The following LRP1B variants were observed in gnomAD, a reference collection of about 807,000 sequenced individuals.
LRP1B encodes low-density lipoprotein receptor-related protein 1B.
Under a neutral mutation model 556.6 loss-of-function variants are expected in LRP1B, and 217 were observed. That is an observed-to-expected ratio of 0.39 (90% CI 0.35 to 0.44). The LOEUF is 0.44. Ranked by LOEUF, LRP1B falls within the 20% of genes least tolerant of loss-of-function variation. The pLI is 1.00. For missense variants in LRP1B, 5,053 were observed against 5,620.8 expected, an observed-to-expected ratio of 0.90 and a Z score of 3.23; for synonymous variants, 2,047 against 1,865.8, an observed-to-expected ratio of 1.10 and a Z score of -2.50.
chr2:141,887,889 T>G (rs576369818), intron 1 of LRP1B, among the ~76,000 whole-genome samples: 1 of 152,328 alleles, frequency 6.6e-6, no homozygotes, highest in African/African-American at 2.4e-5. Flanking sequence ...AACCAAAAAC[T>G]ATGAAAGAAT....
At chr2:140,309,141 A>G (rs1313464361) in intron 83 of LRP1B, among the ~76,000 whole-genome samples, 1 of 151,844 alleles carries the variant, frequency 6.6e-6, no homozygotes, top group South Asian at 2.1e-4. Context: ...GTGAGTGTCC[A>G]CTTATAAATA....
At chr2:141,609,525 T>A (rs1174810874) in intron 2 of LRP1B, among the ~76,000 whole-genome samples, 2 of 152,226 alleles carry the variant, frequency 1.3e-5, no homozygotes, top group African/African-American at 4.8e-5. Flanking sequence ...AAAGTAATGA[T>A]CTTTGAGTGT....
In LRP1B at chr2:140,964,053, G is replaced by C. The variant is rs557757661; in HGVS notation, c.2888-12113C>G. ...ATTGGATACAAGGCAGAAGGGGCAG[G>C]GTAAAGAATGTGAGTCACCTCCAAT... On this transcript the variant is annotated intron_variant, in intron 18 of 90. Coordinates refer to ENST00000389484, the MANE Select transcript of LRP1B (RefSeq NM_018557.3). 9.2e-5 allele frequency among the ~76,000 whole-genome samples: 14 copies of C among 152,266 alleles called. No individual in the cohort carries two copies. In the South Asian group the frequency reaches 1.0e-3, roughly 11 times the overall value.
chr2:141,776,502 T>G (rs1480210517), intron 2 of LRP1B, among the ~76,000 whole-genome samples: 1 of 152,196 alleles, frequency 6.6e-6, no homozygotes, highest in Non-Finnish European at 1.5e-5. Context: ...TCTATGTTCC[T>G]GAACAGTAGA....
chr2:141,758,297 C>T (rs376590973), intron 2 of LRP1B, among the ~76,000 whole-genome samples: 3 of 152,102 alleles, frequency 2.0e-5, no homozygotes, highest in South Asian at 2.1e-4. Context: ...TTAATTCATG[C>T]TATTTTGGCC....
chr2:142,003,358 A>C (rs1049334867), intron 1 of LRP1B, among the ~76,000 whole-genome samples: 6 of 152,236 alleles, frequency 3.9e-5, no homozygotes, highest in Non-Finnish European at 8.8e-5. Context: ...AGAAAAATGC[A>C]CTTCCTACAA....
chr2:140,343,443 G>A (rs915326442), intron 77 of LRP1B, among the ~76,000 whole-genome samples: 1 of 151,550 alleles, frequency 6.6e-6, no homozygotes, highest in African/African-American at 2.4e-5. Context: ...ACTTGAAGAT[G>A]ACCGCTAAGA....
At chr2:141,162,476 C>T (rs937017420) in intron 7 of LRP1B, among the ~76,000 whole-genome samples, 1 of 151,996 alleles carries the variant, frequency 6.6e-6, no homozygotes, top group Non-Finnish European at 1.5e-5. Flanking sequence ...ACAAGGGAAC[C>T]AATGTGAGCC....
intron 2 of LRP1B, among the ~76,000 whole-genome samples, chr2:141,538,595 T>C (rs1413810902): frequency 6.6e-6 from 1 of 151,974 alleles, no homozygotes; most frequent in Non-Finnish European, 1.5e-5. Flanking sequence ...ATTTCATCCC[T>C]TAGTCTCATA....
intron 2 of LRP1B, among the ~76,000 whole-genome samples, chr2:141,601,063 C>CTT (rs1221633757): frequency 6.6e-6 from 1 of 152,178 alleles, no homozygotes; most frequent in Non-Finnish European, 1.5e-5. Context: ...GTAATTTAGT[C>CTT]TTAGTTTTAT....
At chr2:140,307,165 T>C (rs1325589143) in intron 83 of LRP1B, among the ~76,000 whole-genome samples, 2 of 151,918 alleles carry the variant, frequency 1.3e-5, no homozygotes, top group African/African-American at 4.8e-5. Flanking sequence ...TTTTTGGTAT[T>C]AGAGAGAACT....
intron 2 of LRP1B, among the ~76,000 whole-genome samples, chr2:141,516,823 A>C (rs1210418874): frequency 6.6e-6 from 1 of 150,686 alleles, no homozygotes; most frequent in Non-Finnish European, 1.5e-5. Context: ...TCAGCCTCCC[A>C]AGTAGCTAGG....
At chr2:142,117,202 G>T (rs556581545) in intron 1 of LRP1B, among the ~76,000 whole-genome samples, 1 of 152,244 alleles carries the variant, frequency 6.6e-6, no homozygotes, top group East Asian at 1.9e-4. Flanking sequence ...TCAGAAACAT[G>T]ATCCCATGTT....
intron 32 of LRP1B, among the ~76,000 whole-genome samples, chr2:140,803,861 TCCCCCACCCCCCCAAC>T (rs1559128837): frequency 1.7e-5 from 1 of 60,592 alleles, no homozygotes; most frequent in Non-Finnish European, 3.3e-5. Flanking sequence ...AATAAACCCC[TCCCCCACCCCCCCAAC>T]CCCCCCAAAA....
chr2:140,673,703 A>AC (rs1350872783), intron 41 of LRP1B, among the ~76,000 whole-genome samples: 3 of 151,164 alleles, frequency 2.0e-5, no homozygotes, highest in Non-Finnish European at 4.4e-5. Flanking sequence ...AAATGAATGG[A>AC]CCCCCTTCTC....
intron 2 of LRP1B, among the ~76,000 whole-genome samples, chr2:141,531,462 G>A (rs1206529296): frequency 1.3e-5 from 2 of 151,848 alleles, no homozygotes; most frequent in Non-Finnish European, 1.5e-5. Context: ...GAATGTTTAC[G>A]GCTTCATAAA....
chr2:141,135,021 T>A (rs964734427), intron 7 of LRP1B, among the ~76,000 whole-genome samples: 1 of 151,952 alleles, frequency 6.6e-6, no homozygotes, highest in Non-Finnish European at 1.5e-5. Context: ...TCAATATGCA[T>A]GTGATGCTTC....
intron 1 of LRP1B, among the ~76,000 whole-genome samples, chr2:141,966,559 GA>G (rs1160159354): frequency 6.6e-6 from 1 of 151,496 alleles, no homozygotes; most frequent in African/African-American, 2.4e-5. Flanking sequence ...AGAGTGAAGT[GA>G]AAAATACTCA....
At chr2:140,885,790 T>C (rs1478133715) in intron 24 of LRP1B, among the ~76,000 whole-genome samples, 1 of 90,368 alleles carries the variant, frequency 1.1e-5, no homozygotes, top group East Asian at 2.6e-4. Context: ...TGAAAGATGG[T>C]AGCAAAATTA....
Sources: gnomAD v4.1 joint callset for allele counts (sites outside exome capture counted in the v4.1 genomes callset) on GRCh38, gnomAD v4.1.1 for gene constraint, MANE v1.5 for transcripts, NCBI Gene and HGNC (gene_info 2026-07-23, HGNC 2026-07-21) for gene names.